ST3GAL2: variants seen among roughly 807,000 people sequenced by gnomAD.
ST3GAL2 encodes the protein ST3 beta-galactoside alpha-2,3-sialyltransferase 2, also known as CMP-N-acetylneuraminate-beta-galactosamide-alpha-2,3-sialyltransferase 2.
In ST3GAL2, 16 loss-of-function variants were observed where a neutral mutation model predicts 37.5. That is an observed-to-expected ratio of 0.43 (90% CI 0.29 to 0.65). The LOEUF is 0.65. Among genes scored for constraint, ST3GAL2 ranks in the 30% least tolerant of loss-of-function variants. The probability of loss-of-function intolerance (pLI) is 0.17; values close to 1 mark genes in which losing one functional copy is unlikely to be tolerated. For synonymous variants in ST3GAL2, 238 were observed against 202.9 expected (o/e 1.17, Z -1.47); for missense variants, 383 against 487.8 (o/e 0.79, Z 2.02).
intron 1 of ST3GAL2, among the ~76,000 whole-genome samples, chr16:70,428,828 G>A (rs576342190): frequency 3.8e-4 from 58 of 152,148 alleles, no homozygotes; most frequent in Non-Finnish European, 7.1e-4. Flanking sequence ...CTGACCCAGC[G>A]CCTCCCAGAT....
In ST3GAL2 at chr16:70,392,105, G is replaced by A. The variant is rs79493070; in HGVS notation, c.533+2877C>T. Among the ~76,000 whole-genome samples the A allele has an allele frequency of 4.8e-3, 727 of 152,372 alleles. 13 individuals are homozygous for A. The highest frequency in any genetic ancestry group is 0.016 in the African/African-American group (673 of 41,590). ...GTCAGCCAGGGTCACCCTGCCTCCAGCGCCTGTGGCTGGCCATGCTGCAGA... is the reference window on the plus strand; with the variant it reads ...GTCAGCCAGGGTCACCCTGCCTCCAACGCCTGTGGCTGGCCATGCTGCAGA... On this transcript the variant is annotated intron_variant, in intron 3 of 6. Transcript: ENST00000342907.
rs972566782 is a variant in ST3GAL2 at position 70,381,337 on chromosome 16, G to A, written c.*352C>T. ...TGACGGAAGTGCTTCGCCGAGGCCC[G>A]CGCCATGCTCTCCTCCTCAGAAAGC... is the stretch of plus-strand genomic sequence containing the variant. On this transcript the variant is annotated 3_prime_UTR_variant, in exon 7 of 7. Transcript: ENST00000342907. The A allele has an allele frequency of 5.4e-5, 11 of 202,320 alleles. No individual in the cohort carries two copies. The highest frequency in any genetic ancestry group is 4.0e-4 in the Admixed American group (7 of 17,652). 12.5% of individuals were successfully genotyped at this position (202,320 alleles called of 1,614,324 possible).
chr16:70,431,139 G>C (rs986186242), intron 1 of ST3GAL2, among the ~76,000 whole-genome samples: 2 of 150,406 alleles, frequency 1.3e-5, no homozygotes, highest in African/African-American at 4.9e-5. Flanking sequence ...GGGGTGGCAG[G>C]GCGGGGCAAT....
chr16:70,407,940 A>G (rs1447984794), intron 1 of ST3GAL2, among the ~76,000 whole-genome samples: 1 of 152,118 alleles, frequency 6.6e-6, no homozygotes, highest in Non-Finnish European at 1.5e-5. Flanking sequence ...TAAGGCACGG[A>G]GCCTGGGGGG....
Position 70,381,061 on chromosome 16 carries a change from C to G in ST3GAL2, c.*628G>C, listed in dbSNP as rs934059796. On this transcript the variant is annotated 3_prime_UTR_variant, in exon 7 of 7. Transcript: ENST00000342907. ...TGTCCGGAGTTCGGCCCGGGAGCAC[C>G]CCACCCCGCAGAGGGCGCCACTCCC... The G allele has an allele frequency of 1.3e-5, 2 of 152,658 alleles. No homozygotes were observed. The highest frequency in any genetic ancestry group is 4.8e-5 in the African/African-American group (2 of 41,468). The allele number at this position is 152,658 out of a possible 1,614,324, so 9.5% of individuals were successfully genotyped here.
At chr16:70,385,121 C>T (rs1021685282) in intron 4 of ST3GAL2, among the ~76,000 whole-genome samples, 22 of 151,938 alleles carry the variant, frequency 1.4e-4, no homozygotes, top group Non-Finnish European at 2.9e-4. Context: ...CTAGCTAACA[C>T]GGTGAAACCC....
intron 1 of ST3GAL2, among the ~76,000 whole-genome samples, chr16:70,414,644 G>C (rs1354053534): frequency 6.6e-6 from 1 of 152,104 alleles, no homozygotes; most frequent in Non-Finnish European, 1.5e-5. Context: ...AAGCAGCCAA[G>C]CAGGTTACTT....
At chr16:70,428,669 G>A (rs112059390) in intron 1 of ST3GAL2, among the ~76,000 whole-genome samples, 3 of 152,146 alleles carry the variant, frequency 2.0e-5, no homozygotes, top group Admixed American at 6.5e-5. Flanking sequence ...GTCCCCACAC[G>A]TCCCCTGCCT....
chr16:70,429,206 T>G (rs893766505), intron 1 of ST3GAL2, among the ~76,000 whole-genome samples: 1 of 152,198 alleles, frequency 6.6e-6, no homozygotes, highest in Non-Finnish European at 1.5e-5. Flanking sequence ...CACAGACATC[T>G]GGCCCTTATG....
chr16:70,394,559 G>A (rs1190589547), intron 3 of ST3GAL2, among the ~76,000 whole-genome samples: 1 of 152,112 alleles, frequency 6.6e-6, no homozygotes, highest in Non-Finnish European at 1.5e-5. Context: ...AAAATTTTTT[G>A]TAGACACAGG....
intron 1 of ST3GAL2, among the ~76,000 whole-genome samples, chr16:70,420,585 CT>C (rs1408662540): frequency 2.6e-5 from 4 of 152,182 alleles, no homozygotes; most frequent in Non-Finnish European, 5.9e-5. Context: ...GTCTGCTGGC[CT>C]TGGAGGTGGT....
chr16:70,382,994 T>C (rs2047416677), intron 5 of ST3GAL2, 70 bp from the exon 6 acceptor site: 1 of 1,591,748 alleles, frequency 6.3e-7, no homozygotes, highest in Non-Finnish European at 8.6e-7. Flanking sequence ...CTGAGCAGCT[T>C]CTACTTGTCT....
At position 70,377,309 on chromosome 16, in the gene ST3GAL2, C is replaced by G. The variant is rs1326666885; in HGVS notation, c.*4380G>C. On this transcript the variant is annotated 3_prime_UTR_variant, in exon 7 of 7. Transcript: ENST00000342907. ...CAGCCTGACCAACATGGAGAAACCC[C>G]GTCTCTACTAAAAATACAAAATTAG... 1 of 151,166 alleles carries G rather than the reference C, an allele frequency of 6.6e-6. No individual in the cohort carries two copies. Among genetic ancestry groups the G allele is most frequent in the African/African-American group, 2.4e-5 (1 of 41,090 alleles). The allele number at this position is 151,166 out of a possible 1,614,324, so 9.4% of individuals were successfully genotyped here. A position where few individuals can be genotyped will look rare whatever the true frequency, so the allele number is the denominator to read the frequency against.
chr16:70,393,923 T>C (rs2047498438), intron 3 of ST3GAL2, among the ~76,000 whole-genome samples: 1 of 152,216 alleles, frequency 6.6e-6, no homozygotes, highest in Admixed American at 6.5e-5. Flanking sequence ...ATGCTCATCC[T>C]AAGAGATGCG....
At chr16:70,388,628 C>T (rs746219962) in intron 3 of ST3GAL2, 82 bp from the exon 4 acceptor site, 338 of 1,478,228 alleles carry the variant, frequency 2.3e-4, no homozygotes, top group Non-Finnish European at 3.0e-4. Flanking sequence ...CGAAGCCATC[C>T]ATCAAAAATG....
In ST3GAL2 at chr16:70,421,329, G is replaced by A. The variant is rs962767610; in HGVS notation, c.-1004+17620C>T. On this transcript the variant is annotated intron_variant, in intron 1 of 6. Coordinates refer to ENST00000342907, the MANE Select transcript of ST3GAL2 (RefSeq NM_006927.4). The stretch of plus-strand genomic sequence containing the variant: ...CCAAAGTGGGCCTTTCCCTGGCACC[G>A]CCTCTGAGCCTTATCCCCGGGGTGA... Among the ~76,000 whole-genome samples the A allele has an allele frequency of 5.3e-5, 8 of 152,196 alleles. No homozygotes were observed. The East Asian group carries it at 7.7e-4, about 15-fold the overall frequency.
chr16:70,386,017 A>T (rs1202225563), intron 4 of ST3GAL2, among the ~76,000 whole-genome samples: 1 of 150,786 alleles, frequency 6.6e-6, no homozygotes, highest in Non-Finnish European at 1.5e-5. Context: ...GAACATGAAA[A>T]TTTTTTTTGT....
At chr16:70,413,309 G>A (rs1185744966) in intron 1 of ST3GAL2, among the ~76,000 whole-genome samples, 1 of 151,722 alleles carries the variant, frequency 6.6e-6, no homozygotes, top group Non-Finnish European at 1.5e-5. Context: ...CTAGCTACTC[G>A]GGAAGCTGAG....
intron 1 of ST3GAL2, among the ~76,000 whole-genome samples, chr16:70,429,881 G>A (rs1456442644): frequency 6.6e-6 from 1 of 152,068 alleles, no homozygotes; most frequent in Non-Finnish European, 1.5e-5. Context: ...GACCTCAGGT[G>A]ATCTGCCCGC....
Sources: allele counts gnomAD v4.1 joint callset (sites outside exome capture counted in the v4.1 genomes callset), GRCh38; gene constraint gnomAD v4.1.1; transcripts MANE v1.5; gene names NCBI Gene and HGNC (gene_info 2026-07-23, HGNC 2026-07-21).